Variants in MLLT10 observed in about 807,000 individuals in gnomAD.
The protein encoded by MLLT10 is protein AF-10.
Under a neutral mutation model 129.1 loss-of-function variants are expected in MLLT10, and 30 were observed. That is an observed-to-expected ratio of 0.23 (90% CI 0.17 to 0.32). The LOEUF (loss-of-function observed/expected upper bound fraction) is 0.32, where lower values mean the gene tolerates loss of function less well. MLLT10 is among the 10% of genes least tolerant of loss of function. The probability of loss-of-function intolerance (pLI) is 1.00; values close to 1 mark genes in which losing one functional copy is unlikely to be tolerated. For synonymous variants in MLLT10, 490 were observed against 446.4 expected, an observed-to-expected ratio of 1.10 and a Z score of -1.23; for missense variants, 1,119 against 1,268.3, an observed-to-expected ratio of 0.88 and a Z score of 1.79.
intron 11 of MLLT10, among the ~76,000 whole-genome samples, chr10:21,679,275 G>T (rs750594065): frequency 1.3e-5 from 2 of 152,110 alleles, no homozygotes; most frequent in African/African-American, 4.8e-5. Flanking sequence ...TCTTTCCTAC[G>T]TACATTTTTT....
At chr10:21,690,907 G>C (rs1490991264) in intron 13 of MLLT10, among the ~76,000 whole-genome samples, 1 of 151,938 alleles carries the variant, frequency 6.6e-6, no homozygotes, top group Middle Eastern at 3.2e-3. Context: ...ACTTTTGTCA[G>C]TATACCTAGA....
intron 2 of MLLT10, among the ~76,000 whole-genome samples, chr10:21,535,025 A>T (rs554720144): frequency 2.0e-5 from 3 of 147,174 alleles, no homozygotes; most frequent in South Asian, 2.1e-4. Context: ...CTCAAGTGTC[A>T]TTCGGCCGCC....
chr10:21,576,467 C>T (rs1320155299), intron 3 of MLLT10, among the ~76,000 whole-genome samples: 2 of 150,808 alleles, frequency 1.3e-5, no homozygotes, highest in East Asian at 4.0e-4. Flanking sequence ...GTCTCGATCT[C>T]CTACCTTGTG....
chr10:21,698,914 G>A (rs1265252332), intron 13 of MLLT10, among the ~76,000 whole-genome samples: 3 of 152,228 alleles, frequency 2.0e-5, no homozygotes, highest in African/African-American at 7.2e-5. Flanking sequence ...TTGCTCTTTT[G>A]CCCAGGCTGG....
chr10:21,613,831 A>C (rs1243186), intron 6 of MLLT10, among the ~76,000 whole-genome samples: 1 of 151,780 alleles, frequency 6.6e-6, no homozygotes, highest in Non-Finnish European at 1.5e-5. Flanking sequence ...CTTGAGCCCC[A>C]GAAGGCCGAG....
intron 11 of MLLT10, 103 bp from the exon 12 acceptor site, chr10:21,681,229 A>C (rs1311584118): frequency 6.8e-7 from 1 of 1,470,570 alleles, no homozygotes; most frequent in Admixed American, 1.9e-5. Context: ...ACTTAACTAC[A>C]CTTTTAGGTG....
At chr10:21,724,684 A>G (rs192019509) in intron 14 of MLLT10, among the ~76,000 whole-genome samples, 2 of 152,370 alleles carry the variant, frequency 1.3e-5, no homozygotes, top group Admixed American at 6.5e-5. Context: ...GAGTAACAGC[A>G]TTTTGTATAC....
At chr10:21,564,207 C>G (rs1264597707) in intron 3 of MLLT10, among the ~76,000 whole-genome samples, 1 of 152,126 alleles carries the variant, frequency 6.6e-6, no homozygotes. Context: ...CCTTAACCCT[C>G]CGCGTAGCTG....
intron 11 of MLLT10, 60 bp from the exon 12 acceptor site, chr10:21,681,272 T>G (rs2052711829): frequency 1.2e-6 from 2 of 1,602,794 alleles, no homozygotes; most frequent in Non-Finnish European, 1.7e-6. Flanking sequence ...CTATCTCTTT[T>G]TTTACCCTTG....
At chr10:21,557,441 CTGTT>C (rs1394946183) in intron 3 of MLLT10, among the ~76,000 whole-genome samples, 1 of 152,152 alleles carries the variant, frequency 6.6e-6, no homozygotes, top group Non-Finnish European at 1.5e-5. Flanking sequence ...GAAATACATT[CTGTT>C]TGTCTTTTTG....
chr10:21,619,412 A>G (rs2045588801), intron 8 of MLLT10, among the ~76,000 whole-genome samples: 1 of 152,170 alleles, frequency 6.6e-6, no homozygotes, highest in African/African-American at 2.4e-5. Context: ...GATATGCCCT[A>G]TCATGTTATT....
chr10:21,533,927 A>G (rs10828247), upstream of MLLT10, among the ~76,000 whole-genome samples: 53,673 of 151,262 alleles, frequency 0.35, 10,028 homozygotes, highest in Middle Eastern at 0.54. Flanking sequence ...CTGGGCGTCC[A>G]CCTCCCCCGC....
At chr10:21,667,787 G>C (rs1411551884) in intron 9 of MLLT10, among the ~76,000 whole-genome samples, 1 of 151,782 alleles carries the variant, frequency 6.6e-6, no homozygotes, top group African/African-American at 2.4e-5. Flanking sequence ...CTGTTTCTTT[G>C]GTTACTTGTT....
intron 4 of MLLT10, among the ~76,000 whole-genome samples, chr10:21,587,239 A>G (rs1564460884): frequency 1.3e-5 from 2 of 151,770 alleles, no homozygotes. Context: ...GGTCTCTGCA[A>G]AAGTAAATAT....
Position 21,727,904 on chromosome 10 carries a change from C to T in MLLT10, c.2039C>T (p.Ser680Leu), listed in dbSNP as rs777675532. ...NSRNLVGRGS[S>L]PRGSLSPRSP... ...CGCAACCTAGTTGGCAGAGGAAGCT[C>T]ACCCCGAGGAAGTCTCTCGCCACGG... The change falls in exon 16 of 23, where the codon TCA becomes TTA. Residue 680 changes from serine (S) to leucine (L), a missense_variant. Coordinates refer to ENST00000307729, the MANE Select transcript of MLLT10 (RefSeq NM_001195626.3). The T allele has an allele frequency of 6.2e-7, 1 of 1,613,894 alleles. No individual in the cohort carries two copies. The highest frequency in any genetic ancestry group is 1.3e-5 in the African/African-American group (1 of 74,920).
chr10:21,588,055 T>C (rs1217432217), intron 4 of MLLT10, among the ~76,000 whole-genome samples: 2 of 152,164 alleles, frequency 1.3e-5, no homozygotes, highest in Non-Finnish European at 2.9e-5. Flanking sequence ...TTTTTGAGAC[T>C]TTGCTTTTCT....
intron 13 of MLLT10, among the ~76,000 whole-genome samples, chr10:21,693,661 G>A (rs938272090): frequency 6.6e-6 from 1 of 151,474 alleles, no homozygotes; most frequent in African/African-American, 2.4e-5. Context: ...GCGTTTCACC[G>A]ATTCCCTACA....
Position 21,740,182 on chromosome 10 carries a change from T to C in MLLT10, c.3108T>C (p.Ala1036=). ...CACAGGCACCCCCACTTCACACAGC[T>C]ACCACCAACCCATTTCTCACCATCC... The part of the protein sequence containing the change: ...AGTQAPPLHT[A]TTNPFLTIHG... The change falls in exon 22 of 23, where the codon GCT becomes GCC. Residue 1036 remains alanine, a synonymous_variant. Transcript: ENST00000307729. 17 of 1,614,178 alleles carry C rather than the reference T, an allele frequency of 1.1e-5. No individual in the cohort carries two copies. Among genetic ancestry groups the C allele is most frequent in the Non-Finnish European group, 1.4e-5 (16 of 1,180,042 alleles).
chr10:21,704,141 C>T (rs1048216007), intron 13 of MLLT10, among the ~76,000 whole-genome samples: 3 of 142,788 alleles, frequency 2.1e-5, no homozygotes, highest in Non-Finnish European at 4.5e-5. Context: ...TCCTAAGTAG[C>T]TGTGATTACA....
Sources: allele counts gnomAD v4.1 joint callset (sites outside exome capture counted in the v4.1 genomes callset), GRCh38; gene constraint gnomAD v4.1.1; transcripts MANE v1.5; gene names NCBI Gene and HGNC (gene_info 2026-07-23, HGNC 2026-07-21).